Variants in RASSF3 observed in about 807,000 individuals in gnomAD.
RASSF3 encodes the protein Ras association domain family member 3.
Under a neutral mutation model 19.9 loss-of-function variants are expected in RASSF3, and 19 were observed. The observed-to-expected ratio is 0.96, with a 90% confidence interval of 0.67 to 1.40. The LOEUF is 1.40. Among genes scored for constraint, RASSF3 ranks in the 40% most tolerant of loss-of-function variants. RASSF3 has a pLI of 0.00. For synonymous variants in RASSF3, 110 were observed against 104.2 expected (o/e 1.06, Z -0.34); for missense variants, 306 against 289.8 (o/e 1.06, Z -0.41).
Position 64,694,841 on chromosome 12 carries a change from C to A in RASSF3, c.646C>A (p.Leu216Met), listed in dbSNP as rs779474719. 1 of 1,614,226 alleles carries A rather than the reference C, an allele frequency of 6.2e-7. No homozygotes were observed. The highest frequency in any genetic ancestry group is 8.5e-7 in the Non-Finnish European group (1 of 1,180,030). Residue 216 changes from leucine (L) to methionine (M), a missense_variant, in exon 5 of 5, where the codon CTG becomes ATG. Physicochemically the swap from Leu to Met is conservative, Grantham distance 15. Transcript: ENST00000542104. ...DKEEDEQLQN[L>M]KRRYTAYRQK... ...GGAAGAAGATGAACAGCTGCAGAAC[C>A]TGAAGAGGCGCTACACAGCCTACAG...
At chr12:64,542,139 A>AAAAAATAAAAAT (rs1002666707), downstream of RASSF3, among the ~76,000 whole-genome samples, 1 of 152,010 alleles carries the variant, frequency 6.6e-6, no homozygotes, top group Non-Finnish European at 1.5e-5. Flanking sequence ...GCATCTCTAC[A>AAAAAATAAAAAT]AAAAATAAAA....
At chr12:64,606,949 C>T (rs1870204157), upstream of RASSF3, among the ~76,000 whole-genome samples, 1 of 152,134 alleles carries the variant, frequency 6.6e-6, no homozygotes, top group African/African-American at 2.4e-5. Context: ...ATACAATTTT[C>T]ATGAGCTAAA....
At chr12:64,663,182 T>G (rs1341418144) in intron 1 of RASSF3, among the ~76,000 whole-genome samples, 2 of 152,124 alleles carry the variant, frequency 1.3e-5, no homozygotes, top group Non-Finnish European at 2.9e-5. Context: ...TTCATTCCCT[T>G]AGGCCATTTT....
intron 2 of RASSF3, among the ~76,000 whole-genome samples, chr12:64,687,269 T>C (rs1328879386): frequency 6.6e-6 from 1 of 152,102 alleles, no homozygotes; most frequent in Non-Finnish European, 1.5e-5. Context: ...CCCAAAGTGC[T>C]GAGATTACAG....
intron 1 of RASSF3, among the ~76,000 whole-genome samples, chr12:64,518,643 C>T (rs569360443): frequency 2.0e-5 from 3 of 152,328 alleles, no homozygotes; most frequent in East Asian, 1.9e-4. Context: ...AAGGATCTTG[C>T]GGCCAGATGA....
At chr12:64,641,836 G>C (rs1385585668) in intron 1 of RASSF3, among the ~76,000 whole-genome samples, 1 of 150,710 alleles carries the variant, frequency 6.6e-6, no homozygotes, top group African/African-American at 2.4e-5. Flanking sequence ...TCTGCCTCCC[G>C]GGTTCAAGCG....
At chr12:64,634,459 C>T (rs1015698789) in intron 1 of RASSF3, among the ~76,000 whole-genome samples, 3 of 152,092 alleles carry the variant, frequency 2.0e-5, no homozygotes, top group South Asian at 2.1e-4. Context: ...CCACTGCACC[C>T]GGCACTTCTT....
chr12:64,572,041 C>T (rs1869526765), intron 2 of RASSF3, among the ~76,000 whole-genome samples: 1 of 152,158 alleles, frequency 6.6e-6, no homozygotes, highest in Admixed American at 6.5e-5. Flanking sequence ...ACCTAGTTAC[C>T]TGGTTAATTC....
At chr12:64,597,279 T>G (rs1471376307) in intron 2 of RASSF3, among the ~76,000 whole-genome samples, 1 of 151,342 alleles carries the variant, frequency 6.6e-6, no homozygotes, top group Non-Finnish European at 1.5e-5. Flanking sequence ...ATTGCAGGCA[T>G]GCACCACCGT....
intron 1 of RASSF3, among the ~76,000 whole-genome samples, chr12:64,538,265 T>C (rs1254761458): frequency 1.3e-5 from 2 of 152,178 alleles, no homozygotes; most frequent in Admixed American, 6.5e-5. Flanking sequence ...AGGGTTGAGA[T>C]TGCAGGCATG....
chr12:64,612,219 C>T lies in RASSF3; in HGVS notation c.111+1476C>T, dbSNP rs181083075. 2.0e-5 allele frequency among the ~76,000 whole-genome samples: 3 copies of T among 152,236 alleles called. No homozygotes were observed. In the East Asian group the frequency reaches 5.8e-4, roughly 29 times the overall value. On this transcript the variant is annotated intron_variant, in intron 1 of 4. Transcript: ENST00000542104. Reference sequence around the variant, plus strand: ...TTTTGCTTTCTCTTTCTTGGCCTCTCTCTTCCCCTTCTCCGTTTTGCATTT... The same window carrying T: ...TTTTGCTTTCTCTTTCTTGGCCTCTTTCTTCCCCTTCTCCGTTTTGCATTT...
rs1868345556 is a variant in RASSF3, at chr12:64,695,654, CAG to C, written c.*745_*746del. On this transcript the variant is annotated 3_prime_UTR_variant, in exon 5 of 5. Transcript: ENST00000542104. ...TTTCCTGGTGGGTAGAATATGGGAA[CAG>C]AGCCAGAGGCAGGAGCTAAACCAAA... The C allele has an allele frequency of 6.7e-6, 1 of 149,590 alleles. No homozygotes were observed. The highest frequency in any genetic ancestry group is 2.6e-5 in the African/African-American group (1 of 38,740). 9.3% of individuals were successfully genotyped at this position (149,590 alleles called of 1,614,324 possible). A position where few individuals can be genotyped will look rare whatever the true frequency, so the allele number is the denominator to read the frequency against.
At chr12:64,648,688 A>C (rs1871827662) in intron 1 of RASSF3, among the ~76,000 whole-genome samples, 1 of 151,530 alleles carries the variant, frequency 6.6e-6, no homozygotes, top group Non-Finnish European at 1.5e-5. Context: ...TCATCATGTT[A>C]GCCAGGATGG....
At chr12:64,652,403 T>TC (rs1211944361) in intron 1 of RASSF3, among the ~76,000 whole-genome samples, 26 of 150,506 alleles carry the variant, frequency 1.7e-4, no homozygotes, top group African/African-American at 5.9e-4. Flanking sequence ...TGTTTTTTTC[T>TC]CCCCCTCCCC....
chr12:64,569,526 T>G lies in RASSF3; in HGVS notation c.294+27821T>G, dbSNP rs1423017254. ...CAGTTCCTCCCAGCTCCATCTCCCTTGGGGATGTTAGGGTGACCAGAGGTG... is the reference window on the plus strand; with the variant it reads ...CAGTTCCTCCCAGCTCCATCTCCCTGGGGGATGTTAGGGTGACCAGAGGTG... On this transcript the variant is annotated intron_variant, in intron 2 of 5. Transcript: ENST00000637125. Among the ~76,000 whole-genome samples, 16 of 152,192 alleles carry G rather than the reference T, an allele frequency of 1.1e-4. 1 individual carries two copies. Among genetic ancestry groups the G allele is most frequent in the Admixed American group, 1.0e-3 (16 of 15,280 alleles).
rs576322364 is a variant in RASSF3 at position 64,695,064 on chromosome 12, A to G, written c.*152A>G. 8.6e-5 allele frequency: 65 copies of G among 759,408 alleles called. 1 individual carries two copies. In the South Asian group the frequency reaches 1.2e-3, roughly 14 times the overall value. 47.0% of individuals were successfully genotyped at this position (759,408 alleles called of 1,614,324 possible). A position where few individuals can be genotyped will look rare whatever the true frequency, so the allele number is the denominator to read the frequency against. On this transcript the variant is annotated 3_prime_UTR_variant, in exon 5 of 5. Coordinates refer to ENST00000542104, the MANE Select transcript of RASSF3 (RefSeq NM_178169.4). Reference sequence around the variant, plus strand: ...TTTTGTTCCCCAAACCTGGTCACACAGCATCCTGCACCTTAGCGTCCCATG... The same window carrying G: ...TTTTGTTCCCCAAACCTGGTCACACGGCATCCTGCACCTTAGCGTCCCATG...
intron 1 of RASSF3, among the ~76,000 whole-genome samples, chr12:64,657,719 CTG>C (rs1872210493): frequency 6.6e-6 from 1 of 152,250 alleles, no homozygotes; most frequent in African/African-American, 2.4e-5. Flanking sequence ...CAGGATAAAA[CTG>C]TGCCCCCAAG....
chr12:64,689,804 T>TTTTTTTTTTTTA (rs11272662), intron 3 of RASSF3, among the ~76,000 whole-genome samples: 2 of 146,316 alleles, frequency 1.4e-5, no homozygotes, highest in African/African-American at 5.0e-5. Context: ...TTTTTTTTTT[T>TTTTTTTTTTTTA]GAGACGGAGT....
chr12:64,684,431 G>GTTTT (rs146721078), intron 1 of RASSF3, among the ~76,000 whole-genome samples: 2,982 of 121,162 alleles, frequency 0.025, 111 homozygotes, highest in East Asian at 0.12. Flanking sequence ...TTGTTTGTTT[G>GTTTT]TTTGTTTTTT....
Sources: allele counts gnomAD v4.1 joint callset (sites outside exome capture counted in the v4.1 genomes callset), GRCh38; gene constraint gnomAD v4.1.1; transcripts MANE v1.5; gene names NCBI Gene and HGNC (gene_info 2026-07-23, HGNC 2026-07-21).